The following OLFM3 variants were observed in gnomAD, a reference collection of about 807,000 sequenced individuals.
OLFM3 encodes noelin-3.
A neutral mutation model predicts 48.6 loss-of-function variants in OLFM3; 20 were observed. The ratio of observed to expected loss-of-function variants is 0.41; its 90% confidence interval spans 0.29 to 0.60. The LOEUF (loss-of-function observed/expected upper bound fraction) is 0.60, where lower values mean the gene tolerates loss of function less well. OLFM3 is among the 20% of genes least tolerant of loss of function. The probability of loss-of-function intolerance (pLI) is 0.28; values close to 1 mark genes in which losing one functional copy is unlikely to be tolerated. For missense variants in OLFM3, 437 were observed against 544.3 expected (o/e 0.80, Z 1.96); for synonymous variants, 222 against 198.1 (o/e 1.12, Z -1.01).
chr1:101,868,840 A>G (rs1051926891), intron 1 of OLFM3, among the ~76,000 whole-genome samples: 13 of 152,318 alleles, frequency 8.5e-5, no homozygotes, highest in African/African-American at 2.6e-4. Context: ...CCATGGCTAA[A>G]AGGGGCCAAT....
intron 1 of OLFM3, among the ~76,000 whole-genome samples, chr1:101,862,200 C>G (rs1238674329): frequency 6.6e-6 from 1 of 152,130 alleles, no homozygotes; most frequent in Non-Finnish European, 1.5e-5. Flanking sequence ...AAAATTGAGG[C>G]TGTTTCTTGG....
intron 2 of OLFM3, among the ~76,000 whole-genome samples, chr1:101,833,953 A>T (rs1247004390): frequency 1.3e-5 from 2 of 152,206 alleles, no homozygotes; most frequent in Admixed American, 1.3e-4. Flanking sequence ...CACTTTAGGA[A>T]ATATTGACTT....
At chr1:101,825,491 C>T (rs531458917) in intron 3 of OLFM3, among the ~76,000 whole-genome samples, 52 of 152,154 alleles carry the variant, frequency 3.4e-4, no homozygotes, top group African/African-American at 1.2e-3. Context: ...ACAAATATAT[C>T]CTTATCATAA....
intron 1 of OLFM3, among the ~76,000 whole-genome samples, chr1:101,991,621 T>C (rs953543437): frequency 2.6e-5 from 4 of 151,786 alleles, no homozygotes; most frequent in East Asian, 1.9e-4. Flanking sequence ...ATTCTTTTCA[T>C]ATGGAAAACA....
At chr1:101,837,702 C>T (rs1655499990) in intron 1 of OLFM3, 1 of 152,188 alleles carries the variant, frequency 6.6e-6, no homozygotes, top group Non-Finnish European at 1.5e-5. Flanking sequence ...TCCAGTTCTA[C>T]TGTAGTTTTT....
chr1:101,989,172 A>G (rs767511590), intron 1 of OLFM3, among the ~76,000 whole-genome samples: 20 of 152,108 alleles, frequency 1.3e-4, no homozygotes, highest in Non-Finnish European at 2.2e-4. Context: ...AAAGCTTTCC[A>G]GGGAGAGGCA....
Position 101,804,624 on chromosome 1 carries a change from C to A in OLFM3, c.991G>T (p.Ala331Ser), listed in dbSNP as rs201689022. The change falls in exon 6 of 6, where the codon GCT becomes TCT. Residue 331 changes from alanine (A) to serine (S), a missense_variant. Physicochemically the swap from Ala to Ser is moderately conservative, Grantham distance 99 (BLOSUM62 1). This residue lies in a region of OLFM3 where 15 missense variants were observed against 43.0 expected (regional missense o/e 0.35). Transcript: ENST00000370103. The surrounding 1 kb of genome is among the most constrained non-coding windows in gnomAD (Gnocchi z 4.5). ...ACAGCCCACAGCCCGATTTCATCAG[C>A]CATTAGGTCGATGTCAGAGAATCCA... ...WGGFSDIDLM[A>S]DEIGLWAVYA... 2.5e-6 allele frequency: 4 copies of A among 1,612,494 alleles called. No individual in the cohort carries two copies. In the East Asian group the frequency reaches 6.7e-5, roughly 27 times the overall value.
intron 1 of OLFM3, among the ~76,000 whole-genome samples, chr1:101,910,814 C>A (rs1658735515): frequency 6.6e-6 from 1 of 152,094 alleles, no homozygotes; most frequent in Non-Finnish European, 1.5e-5. Flanking sequence ...TGAAGCTATG[C>A]CTAAATCCCT....
At chr1:101,905,109 T>C (rs910876221) in intron 1 of OLFM3, among the ~76,000 whole-genome samples, 2 of 152,190 alleles carry the variant, frequency 1.3e-5, no homozygotes, top group East Asian at 1.9e-4. Flanking sequence ...ATATATTTTG[T>C]ATATTTTTTA....
At chr1:101,846,682 A>T (rs1656010176) in intron 1 of OLFM3, among the ~76,000 whole-genome samples, 1 of 152,140 alleles carries the variant, frequency 6.6e-6, no homozygotes, top group Non-Finnish European at 1.5e-5. Flanking sequence ...TATAACTATA[A>T]AGTGTTTATA....
intron 1 of OLFM3, among the ~76,000 whole-genome samples, chr1:101,979,846 C>A (rs922601779): frequency 6.6e-6 from 1 of 152,222 alleles, no homozygotes; most frequent in Non-Finnish European, 1.5e-5. Context: ...AAGCTGCAGG[C>A]ACTCAATGCC....
At chr1:101,813,214 C>A (rs1654154385) in intron 4 of OLFM3, 1 of 540,718 alleles carries the variant, frequency 1.8e-6, no homozygotes, top group South Asian at 1.9e-5. Flanking sequence ...AAGGACATAG[C>A]AATGAGTGCA....
intron 4 of OLFM3, among the ~76,000 whole-genome samples, chr1:101,817,353 A>G (rs895353785): frequency 3.9e-5 from 6 of 152,160 alleles, no homozygotes; most frequent in African/African-American, 1.4e-4. Context: ...TAGCATTTAT[A>G]AAATATTGTA....
intron 1 of OLFM3, among the ~76,000 whole-genome samples, chr1:101,895,557 C>T (rs1462245865): frequency 2.1e-4 from 32 of 151,988 alleles, no homozygotes. Flanking sequence ...TTAACAATTT[C>T]CTTTTCTACT....
chr1:101,940,559 C>G (rs903243570), intron 1 of OLFM3, among the ~76,000 whole-genome samples: 10 of 151,572 alleles, frequency 6.6e-5, no homozygotes, highest in African/African-American at 2.4e-4. Context: ...ATCTATCTAT[C>G]ATCTATCTAC....
chr1:101,840,473 A>ATTT (rs11369836), intron 1 of OLFM3, among the ~76,000 whole-genome samples: 20 of 143,432 alleles, frequency 1.4e-4, no homozygotes, highest in African/African-American at 4.4e-4. Flanking sequence ...TATTTCAGAG[A>ATTT]TTTTTTTTTT....
intron 1 of OLFM3, among the ~76,000 whole-genome samples, chr1:101,925,992 T>C (rs2101043309): frequency 6.6e-6 from 1 of 152,306 alleles, no homozygotes; most frequent in Admixed American, 6.5e-5. Flanking sequence ...AACTCTGACA[T>C]GAGTGTCAAG....
At chr1:101,958,934 A>G (rs569097162) in intron 1 of OLFM3, among the ~76,000 whole-genome samples, 20 of 151,818 alleles carry the variant, frequency 1.3e-4, no homozygotes, top group African/African-American at 4.3e-4. Flanking sequence ...CTAGTTTCTT[A>G]GCAATTTTCA....
chr1:101,813,581 T>C (rs1654178712), intron 4 of OLFM3, among the ~76,000 whole-genome samples: 1 of 152,182 alleles, frequency 6.6e-6, no homozygotes, highest in South Asian at 2.1e-4. Context: ...AGGAAATCAA[T>C]ATATATCTAG....
Sources: allele counts gnomAD v4.1 joint callset (sites outside exome capture counted in the v4.1 genomes callset), GRCh38; gene constraint gnomAD v4.1.1; regional missense constraint gnomAD v4.1.1; non-coding constraint Gnocchi (gnomAD v3.1); transcripts MANE v1.5; gene names NCBI Gene and HGNC (gene_info 2026-07-23, HGNC 2026-07-21).